LSAMP: variants seen among roughly 807,000 people sequenced by gnomAD.
LSAMP encodes limbic system-associated membrane protein.
LSAMP carries 7 observed loss-of-function variants against 38.6 expected under a neutral mutation model. That is an observed-to-expected ratio of 0.18 (90% CI 0.10 to 0.34). The LOEUF is 0.34. LSAMP is among the 10% of genes least tolerant of loss of function. LSAMP has a pLI of 1.00. For synonymous variants in LSAMP, 154 were observed against 166.8 expected (o/e 0.92, Z 0.59); for missense variants, 313 against 420.0 (o/e 0.75, Z 2.23).
intron 1 of LSAMP, among the ~76,000 whole-genome samples, chr3:116,246,660 C>T (rs185264705): frequency 8.5e-5 from 13 of 152,300 alleles, no homozygotes; most frequent in African/African-American, 2.4e-4. Flanking sequence ...ACATCATTCT[C>T]TTAGCTCCAC....
intron 1 of LSAMP, among the ~76,000 whole-genome samples, chr3:116,352,224 C>T (rs193226140): frequency 7.2e-5 from 11 of 152,164 alleles, no homozygotes; most frequent in Non-Finnish European, 1.0e-4. Context: ...CATCACTCCA[C>T]GAATACCTGA....
At position 116,392,454 on chromosome 3, in the gene LSAMP, C is replaced by T. The variant is rs117554839; in HGVS notation, c.155+52423G>A. The stretch of plus-strand genomic sequence containing the variant: ...CTGGGGGTGCACACACTCACGGCAA[C>T]GCTGACATGCCAGCTCCCTGCCACC... On this transcript the variant is annotated intron_variant, in intron 1 of 6. Transcript: ENST00000490035. 5.6e-4 allele frequency among the ~76,000 whole-genome samples: 85 copies of T among 152,332 alleles called. 2 individuals are homozygous for T. The East Asian group carries it at 0.013, about 23-fold the overall frequency.
At chr3:116,428,525 A>G (rs1410722992) in intron 1 of LSAMP, among the ~76,000 whole-genome samples, 1 of 152,152 alleles carries the variant, frequency 6.6e-6, no homozygotes, top group Non-Finnish European at 1.5e-5. Flanking sequence ...TTAGAAAAAA[A>G]TGCATTTTTC....
At chr3:116,225,738 A>G (rs998601254) in intron 1 of LSAMP, among the ~76,000 whole-genome samples, 1 of 147,558 alleles carries the variant, frequency 6.8e-6, no homozygotes, top group Non-Finnish European at 1.5e-5. Context: ...ATATTTGGGT[A>G]TTTAGTATAT....
At chr3:116,319,395 G>A (rs1286079303) in intron 1 of LSAMP, among the ~76,000 whole-genome samples, 1 of 152,112 alleles carries the variant, frequency 6.6e-6, no homozygotes, top group African/African-American at 2.4e-5. Context: ...ATAGTTACAT[G>A]ATTTCTCTTT....
At chr3:115,829,926 C>A (rs1241576344) in intron 6 of LSAMP, among the ~76,000 whole-genome samples, 1 of 152,006 alleles carries the variant, frequency 6.6e-6, no homozygotes, top group Non-Finnish European at 1.5e-5. Context: ...AATATCAGTG[C>A]TTTTAAAAAT....
intron 6 of LSAMP, among the ~76,000 whole-genome samples, chr3:115,835,018 C>T (rs1002605052): frequency 8.5e-5 from 13 of 152,142 alleles, no homozygotes; most frequent in African/African-American, 3.1e-4. Context: ...CTACAGACTT[C>T]TTTCCTCTCT....
At chr3:116,370,005 G>A (rs1216962330) in intron 1 of LSAMP, 1 of 152,550 alleles carries the variant, frequency 6.6e-6, no homozygotes, top group Non-Finnish European at 1.5e-5. Context: ...TCTATTTTTT[G>A]TCTGTGGTAT....
intron 1 of LSAMP, among the ~76,000 whole-genome samples, chr3:116,414,141 T>C (rs1287345091): frequency 1.3e-5 from 2 of 152,090 alleles, no homozygotes; most frequent in Non-Finnish European, 2.9e-5. Flanking sequence ...TTACACCAAC[T>C]TTCATTTTGG....
intron 1 of LSAMP, among the ~76,000 whole-genome samples, chr3:116,434,809 C>G (rs2049325946): frequency 6.6e-6 from 1 of 152,174 alleles, no homozygotes; most frequent in Non-Finnish European, 1.5e-5. Context: ...CTCAGCCTCC[C>G]AAAGTGTTGG....
intron 1 of LSAMP, among the ~76,000 whole-genome samples, chr3:116,111,365 TTC>T (rs888955452): frequency 5.9e-5 from 9 of 152,332 alleles, no homozygotes; most frequent in Admixed American, 1.3e-4. Flanking sequence ...GTAAGTTTTA[TTC>T]TCTCTGATTT....
In LSAMP at chr3:115,992,845, G is replaced by C. The variant is rs545844839; in HGVS notation, c.514+26670C>G. Among the ~76,000 whole-genome samples, 6 of 152,196 alleles carry C rather than the reference G, an allele frequency of 3.9e-5. No individual in the cohort carries two copies. The South Asian group carries it at 8.3e-4, about 21-fold the overall frequency. ...TATATCTGCTGCTCTAATTAATGCT[G>C]TCAGGGTAACAGTGGTCTCCCTTGG... On this transcript the variant is annotated intron_variant, in intron 3 of 6. Transcript: ENST00000490035.
intron 1 of LSAMP, among the ~76,000 whole-genome samples, chr3:116,147,381 T>C (rs1360139303): frequency 2.0e-5 from 3 of 151,920 alleles, no homozygotes; most frequent in Non-Finnish European, 4.4e-5. Context: ...CTATTCATTG[T>C]TCTCTGTCTG....
intron 1 of LSAMP, among the ~76,000 whole-genome samples, chr3:116,155,464 G>C (rs1709724008): frequency 1.3e-5 from 2 of 151,972 alleles, no homozygotes; most frequent in African/African-American, 2.4e-5. Context: ...CTGACTTCAG[G>C]TGATCCACCC....
At chr3:115,966,647 A>C in intron 3 of LSAMP, among the ~76,000 whole-genome samples, 1 of 152,230 alleles carries the variant, frequency 6.6e-6, no homozygotes, top group East Asian at 1.9e-4. Flanking sequence ...AGAATAGTTA[A>C]TTTCATTATG....
chr3:116,159,567 C>T (rs1255404993), intron 1 of LSAMP, among the ~76,000 whole-genome samples: 3 of 151,998 alleles, frequency 2.0e-5, no homozygotes, highest in Non-Finnish European at 4.4e-5. Context: ...TCACACCAGT[C>T]AGAATGGCTA....
chr3:116,301,961 C>G (rs1335369413), intron 1 of LSAMP, among the ~76,000 whole-genome samples: 2 of 152,180 alleles, frequency 1.3e-5, no homozygotes, highest in African/African-American at 4.8e-5. Flanking sequence ...TCACCCAGAG[C>G]AGCTCTGCTA....
At position 115,959,713 on chromosome 3, in the gene LSAMP, T is replaced by C. The variant is rs10460780; in HGVS notation, c.514+59802A>G. ...AATGAGGCCTAAATGAAGTAATATA[T>C]GGATGTGCTTGACATTGAGACTGGC... On this transcript the variant is annotated intron_variant, in intron 3 of 6. Coordinates refer to ENST00000490035, the MANE Select transcript of LSAMP (RefSeq NM_002338.5). Among the ~76,000 whole-genome samples, 19 of 152,300 alleles carry C rather than the reference T, an allele frequency of 1.2e-4. No individual in the cohort carries two copies. In the East Asian group the frequency reaches 3.7e-3, roughly 29 times the overall value.
At chr3:115,976,886 A>G (rs1480226158) in intron 3 of LSAMP, among the ~76,000 whole-genome samples, 4 of 152,064 alleles carry the variant, frequency 2.6e-5, no homozygotes, top group Non-Finnish European at 5.9e-5. Context: ...ACTGTGAGTC[A>G]ATTAAAAACT....
Sources: gnomAD v4.1 joint callset for allele counts (sites outside exome capture counted in the v4.1 genomes callset) on GRCh38, gnomAD v4.1.1 for gene constraint, MANE v1.5 for transcripts, NCBI Gene and HGNC (gene_info 2026-07-23, HGNC 2026-07-21) for gene names.